The following DSCAM variants were observed in gnomAD, a reference collection of about 807,000 sequenced individuals.
DSCAM encodes cell adhesion molecule DSCAM.
DSCAM carries 47 observed loss-of-function variants against 217.7 expected under a neutral mutation model. The ratio of observed to expected loss-of-function variants is 0.22; its 90% CI spans 0.17 to 0.28. The LOEUF (loss-of-function observed/expected upper bound fraction) is 0.28. Among genes scored for constraint, DSCAM ranks in the 10% least tolerant of loss-of-function variants. DSCAM has a pLI of 1.00. For synonymous variants in DSCAM, 1,056 were observed against 1,015.3 expected, an observed-to-expected ratio of 1.04 and a Z score of -0.76; for missense variants, 2,080 against 2,618.3, an observed-to-expected ratio of 0.79 and a Z score of 4.49.
intron 3 of DSCAM, among the ~76,000 whole-genome samples, chr21:40,444,052 T>G (rs1448524658): frequency 6.6e-6 from 1 of 152,192 alleles, no homozygotes; most frequent in Non-Finnish European, 1.5e-5. Context: ...GAGGAAAAAC[T>G]GCTGCTTTTA....
At chr21:40,145,813 C>G (rs566177607) in intron 16 of DSCAM, among the ~76,000 whole-genome samples, 3 of 151,842 alleles carry the variant, frequency 2.0e-5, no homozygotes, top group East Asian at 3.9e-4. Context: ...CCACTGCACT[C>G]CAGCCTGGGT....
intron 3 of DSCAM, among the ~76,000 whole-genome samples, chr21:40,514,476 A>G (rs909214942): frequency 6.6e-6 from 1 of 152,138 alleles, no homozygotes; most frequent in African/African-American, 2.4e-5. Flanking sequence ...TTAACTCCTA[A>G]TTTAAAATAA....
intron 1 of DSCAM, among the ~76,000 whole-genome samples, chr21:40,734,195 T>C (rs1462298078): frequency 6.6e-6 from 1 of 152,144 alleles, no homozygotes; most frequent in African/African-American, 2.4e-5. Context: ...TGTCAAAAGA[T>C]GACACTGAGA....
intron 3 of DSCAM, among the ~76,000 whole-genome samples, chr21:40,617,908 G>C (rs1389747323): frequency 3.3e-5 from 5 of 152,184 alleles, no homozygotes; most frequent in Non-Finnish European, 7.3e-5. Flanking sequence ...ACAGAGGACG[G>C]GTGTTCCAAC....
chr21:40,436,113 T>C (rs970126017), intron 3 of DSCAM, among the ~76,000 whole-genome samples: 6 of 152,212 alleles, frequency 3.9e-5, no homozygotes, highest in Admixed American at 6.5e-5. Context: ...GCTTAAGATA[T>C]TTTCAATTTA....
At chr21:40,072,529 TA>T (rs935054050) in intron 27 of DSCAM, among the ~76,000 whole-genome samples, 39 of 152,110 alleles carry the variant, frequency 2.6e-4, no homozygotes, top group African/African-American at 9.2e-4. Flanking sequence ...TTTGTATTTT[TA>T]GTAGAGACGG....
At chr21:40,662,124 AAAC>A (rs140338248) in intron 3 of DSCAM, among the ~76,000 whole-genome samples, 78,581 of 151,442 alleles carry the variant, frequency 0.52, 21,640 homozygotes, top group East Asian at 0.65. Flanking sequence ...TACGTTGTTA[AAAC>A]AAACAAACAA....
intron 6 of DSCAM, among the ~76,000 whole-genome samples, chr21:40,345,718 C>T (rs1366242291): frequency 2.0e-5 from 3 of 151,718 alleles, no homozygotes; most frequent in Non-Finnish European, 2.9e-5. Flanking sequence ...TTTTTGTTTT[C>T]CAGAGGAAAT....
chr21:40,764,200 C>T (rs947558777), intron 1 of DSCAM, among the ~76,000 whole-genome samples: 2 of 151,368 alleles, frequency 1.3e-5, no homozygotes, highest in Non-Finnish European at 2.9e-5. Context: ...ACCCATCCGA[C>T]AAAGGGCTAA....
At chr21:40,407,264 T>C (rs1487293165) in intron 3 of DSCAM, among the ~76,000 whole-genome samples, 1 of 152,236 alleles carries the variant, frequency 6.6e-6, no homozygotes, top group Non-Finnish European at 1.5e-5. Context: ...CAGCATGTTG[T>C]GCAACATAAG....
At chr21:40,047,152 C>T (rs1342454321) in intron 30 of DSCAM, among the ~76,000 whole-genome samples, 1 of 152,024 alleles carries the variant, frequency 6.6e-6, no homozygotes, top group Non-Finnish European at 1.5e-5. Flanking sequence ...TCAAAATTGC[C>T]TCAGTATGTA....
chr21:40,655,483 C>T (rs139280437), intron 3 of DSCAM, among the ~76,000 whole-genome samples: 3,231 of 149,160 alleles, frequency 0.022, 117 homozygotes, highest in African/African-American at 0.076. Flanking sequence ...CACTCTGTCA[C>T]CCAGGCTGGA....
chr21:40,823,959 G>GA (rs369369266), intron 1 of DSCAM, among the ~76,000 whole-genome samples: 2,657 of 137,510 alleles, frequency 0.019, 57 homozygotes, highest in African/African-American at 0.057. Context: ...AGTCTCAAAA[G>GA]AAAAAAAAAA....
chr21:40,357,349 C>A (rs940846402), intron 4 of DSCAM, among the ~76,000 whole-genome samples: 1 of 152,174 alleles, frequency 6.6e-6, no homozygotes, highest in African/African-American at 2.4e-5. Flanking sequence ...TCTCTGGCAT[C>A]TTCTAGCATG....
chr21:40,547,638 G>C (rs1161183342), intron 3 of DSCAM, among the ~76,000 whole-genome samples: 1 of 152,112 alleles, frequency 6.6e-6, no homozygotes, highest in African/African-American at 2.4e-5. Context: ...TCCTGCACAA[G>C]TACAAAGACA....
intron 3 of DSCAM, among the ~76,000 whole-genome samples, chr21:40,370,177 T>A (rs541860501): frequency 6.6e-6 from 1 of 151,988 alleles, no homozygotes; most frequent in Admixed American, 6.6e-5. Context: ...AGTTGGAGCA[T>A]AAAGGTAAAA....
chr21:40,238,318 T>C (rs1569016722), intron 11 of DSCAM, among the ~76,000 whole-genome samples: 1 of 152,206 alleles, frequency 6.6e-6, no homozygotes, highest in Non-Finnish European at 1.5e-5. Flanking sequence ...ATACTCAGGA[T>C]GTGGCACTCC....
intron 3 of DSCAM, among the ~76,000 whole-genome samples, chr21:40,688,911 AGCCTCATG>A (rs1198995822): frequency 1.3e-5 from 2 of 152,210 alleles, no homozygotes; most frequent in Non-Finnish European, 2.9e-5. Flanking sequence ...TGATAATGGT[AGCCTCATG>A]GCCTCATATG....
At chr21:40,557,614 C>A (rs1016105929) in intron 3 of DSCAM, among the ~76,000 whole-genome samples, 1 of 152,164 alleles carries the variant, frequency 6.6e-6, no homozygotes, top group South Asian at 2.1e-4. Flanking sequence ...AGATGACAGG[C>A]GTGAGCCACC....
Sources: gnomAD v4.1 joint callset for allele counts (sites outside exome capture counted in the v4.1 genomes callset) on GRCh38, gnomAD v4.1.1 for gene constraint, MANE v1.5 for transcripts, NCBI Gene and HGNC (gene_info 2026-07-23, HGNC 2026-07-21) for gene names.